Variants in ARHGAP17 observed in about 807,000 individuals in gnomAD.
ARHGAP17 encodes the protein Rho GTPase activating protein 17.
In ARHGAP17, 57 loss-of-function variants were observed where a neutral mutation model predicts 99.5. The ratio of observed to expected loss-of-function variants is 0.57; its 90% CI spans 0.46 to 0.71. ARHGAP17 has a LOEUF of 0.71. Among genes scored for constraint, ARHGAP17 ranks in the 30% least tolerant of loss-of-function variants. The probability of loss-of-function intolerance (pLI) is 0.00; values close to 1 mark genes in which losing one functional copy is unlikely to be tolerated. For synonymous variants in ARHGAP17, 417 were observed against 429.6 expected, an observed-to-expected ratio of 0.97 and a Z score of 0.36; for missense variants, 1,000 against 1,122.4, an observed-to-expected ratio of 0.89 and a Z score of 1.56.
intron 1 of ARHGAP17, among the ~76,000 whole-genome samples, chr16:24,998,146 T>C (rs2053251985): frequency 6.6e-6 from 1 of 151,678 alleles, no homozygotes. Flanking sequence ...TGGCTGATGA[T>C]GCAAACTGGG....
intron 1 of ARHGAP17, 75 bp from the exon 2 acceptor site, chr16:24,979,080 G>C (rs2052600591): frequency 1.8e-6 from 2 of 1,112,508 alleles, no homozygotes; most frequent in Non-Finnish European, 2.6e-6. Flanking sequence ...ATAATTATTA[G>C]CCTGGAGTTT....
intron 9 of ARHGAP17, chr16:24,956,817 T>C (rs1389776983): frequency 3.9e-5 from 6 of 152,242 alleles, no homozygotes; most frequent in African/African-American, 9.6e-5. Flanking sequence ...GATATGGCTG[T>C]TTGCGACTTC....
chr16:24,948,353 A>G (rs1011970954), intron 13 of ARHGAP17, among the ~76,000 whole-genome samples: 1 of 152,326 alleles, frequency 6.6e-6, no homozygotes, highest in East Asian at 1.9e-4. Context: ...TCTTGCTGAG[A>G]GGATATATAA....
At chr16:25,010,047 A>G (rs2141537189) in intron 1 of ARHGAP17, among the ~76,000 whole-genome samples, 1 of 152,072 alleles carries the variant, frequency 6.6e-6, no homozygotes, top group African/African-American at 2.4e-5. Context: ...GTAACTGTGC[A>G]AACTTAGAAA....
At chr16:24,933,729 C>A (rs1390694188) in intron 18 of ARHGAP17, among the ~76,000 whole-genome samples, 1 of 146,744 alleles carries the variant, frequency 6.8e-6, no homozygotes, top group Admixed American at 7.0e-5. Flanking sequence ...GGAGAGGGAG[C>A]GTGGGAGCAA....
At chr16:24,937,288 G>A (rs1489202968) in intron 17 of ARHGAP17, among the ~76,000 whole-genome samples, 1 of 152,020 alleles carries the variant, frequency 6.6e-6, no homozygotes, top group Non-Finnish European at 1.5e-5. Context: ...CAGGCATGGT[G>A]GTCCATGCCT....
rs775262882 is a variant in ARHGAP17, at chr16:24,934,447, C to T, written c.1894+1023G>A. Among the ~76,000 whole-genome samples the T allele has an allele frequency of 9.5e-4, 144 of 151,906 alleles. 4 individuals carry two copies. Among genetic ancestry groups the T allele is most frequent in the Non-Finnish European group, 3.2e-4 (22 of 67,976 alleles). The stretch of plus-strand genomic sequence containing the variant: ...CTGGGATTACTGGTGTGAGCCACTG[C>T]GCCTGGCCTCTCTTTTTTATTTTAG... On this transcript the variant is annotated intron_variant, in intron 18 of 19. Coordinates refer to ENST00000289968, the MANE Select transcript of ARHGAP17 (RefSeq NM_001006634.3).
chr16:25,001,665 C>T (rs1033233601), intron 1 of ARHGAP17, among the ~76,000 whole-genome samples: 5 of 152,204 alleles, frequency 3.3e-5, no homozygotes, highest in African/African-American at 4.8e-5. Context: ...AGCGATCCTC[C>T]GGCCTCAGCT....
intron 1 of ARHGAP17, among the ~76,000 whole-genome samples, chr16:24,994,334 C>T (rs1005852909): frequency 6.6e-6 from 1 of 152,142 alleles, no homozygotes; most frequent in African/African-American, 2.4e-5. Flanking sequence ...ATAAGTAAGC[C>T]TTAACTGAGT....
chr16:24,930,703 A>C (rs2050957476), intron 19 of ARHGAP17, 81 bp downstream of exon 19: 1 of 1,613,044 alleles, frequency 6.2e-7, no homozygotes, highest in Non-Finnish European at 8.5e-7. Flanking sequence ...ACCTGGCATA[A>C]ATCAAAGCTT....
rs1177614713 is a variant in ARHGAP17, at chr16:24,950,836, C to CAAAA, written c.1047-1356_1047-1353dup. Among the ~76,000 whole-genome samples the CAAAA allele has an allele frequency of 3.6e-3, 141 of 39,410 alleles. 4 individuals are homozygous for CAAAA. Among genetic ancestry groups the CAAAA allele is most frequent in the African/African-American group, 0.014 (131 of 9,532 alleles). The allele number at this position is 39,410 out of a possible 152,430, so 25.9% of individuals were successfully genotyped here. ...TGGGCGACAGAGTGGGACTCCAACT[C>CAAAA]AAAAAAAAAAAAAAAAAAAAAAGAA... On this transcript the variant is annotated intron_variant, in intron 12 of 19. Coordinates refer to ENST00000289968, the MANE Select transcript of ARHGAP17 (RefSeq NM_001006634.3).
intron 7 of ARHGAP17, among the ~76,000 whole-genome samples, chr16:24,963,359 T>G (rs1023303289): frequency 6.6e-6 from 1 of 152,240 alleles, no homozygotes; most frequent in South Asian, 2.1e-4. Flanking sequence ...ACAAGTCATT[T>G]AATTGCAGTT....
chr16:25,009,365 A>G (rs2053585768), intron 1 of ARHGAP17, among the ~76,000 whole-genome samples: 4 of 38,584 alleles, frequency 1.0e-4, no homozygotes, highest in Admixed American at 8.0e-4. Context: ...AGACTCCGTC[A>G]AAAAAAAAAA....
chr16:24,966,211 T>C (rs1300301097), intron 6 of ARHGAP17, among the ~76,000 whole-genome samples: 1 of 152,146 alleles, frequency 6.6e-6, no homozygotes, highest in East Asian at 1.9e-4. Context: ...CAATCACACG[T>C]ACAGGCCAGG....
intron 1 of ARHGAP17, among the ~76,000 whole-genome samples, chr16:25,012,223 C>T (rs143270528): frequency 6.6e-6 from 1 of 152,298 alleles, no homozygotes; most frequent in East Asian, 1.9e-4. Context: ...ATGAGACCAC[C>T]TCATAAGCCT....
At chr16:24,968,279 T>C (rs889159213) in intron 6 of ARHGAP17, 72 bp downstream of exon 6, 1 of 1,540,406 alleles carries the variant, frequency 6.5e-7, no homozygotes, top group Non-Finnish European at 9.0e-7. Context: ...TTCCATTGTG[T>C]CCACTGTCAG....
intron 1 of ARHGAP17, among the ~76,000 whole-genome samples, chr16:25,007,696 G>A (rs2053543722): frequency 6.6e-6 from 1 of 152,202 alleles, no homozygotes; most frequent in African/African-American, 2.4e-5. Flanking sequence ...ACAAGCATTA[G>A]TCTCTAAACT....
chr16:24,997,964 C>T lies in ARHGAP17; in HGVS notation c.53+17245G>A, dbSNP rs146894132. Among the ~76,000 whole-genome samples the T allele has an allele frequency of 4.1e-3, 623 of 152,156 alleles. 2 individuals carry two copies. The highest frequency in any genetic ancestry group is 0.014 in the African/African-American group (589 of 41,532). ...CTGCTGTGAGGACCAGCAGCAAACA[C>T]GGATCTGGGGGAGTTCATGCAGAAG... On this transcript the variant is annotated intron_variant, in intron 1 of 19. Coordinates refer to ENST00000289968, the MANE Select transcript of ARHGAP17 (RefSeq NM_001006634.3).
intron 19 of ARHGAP17, among the ~76,000 whole-genome samples, chr16:24,928,642 G>A (rs886218354): frequency 3.3e-5 from 5 of 152,132 alleles, no homozygotes; most frequent in Non-Finnish European, 5.9e-5. Flanking sequence ...TTCCACTTAC[G>A]GTTCCTACAG....
Sources: allele counts gnomAD v4.1 joint callset (sites outside exome capture counted in the v4.1 genomes callset), GRCh38; gene constraint gnomAD v4.1.1; transcripts MANE v1.5; gene names NCBI Gene and HGNC (gene_info 2026-07-23, HGNC 2026-07-21).